The following ARRB1 variants were observed in gnomAD, a reference collection of about 807,000 sequenced individuals.
ARRB1 encodes beta-arrestin-1.
A neutral mutation model predicts 56.8 loss-of-function variants in ARRB1; 21 were observed. That is an observed-to-expected ratio of 0.37 (90% CI 0.26 to 0.53). The LOEUF (loss-of-function observed/expected upper bound fraction) is 0.53. Ranked by LOEUF, ARRB1 falls within the 20% of genes least tolerant of loss-of-function variation. The probability of loss-of-function intolerance (pLI) is 0.88; values close to 1 mark genes in which losing one functional copy is unlikely to be tolerated. For missense variants in ARRB1, 424 were observed against 553.7 expected (o/e 0.77, Z 2.35); for synonymous variants, 210 against 218.6 (o/e 0.96, Z 0.35).
At chr11:75,286,522 C>T (rs572114753) in intron 3 of ARRB1, among the ~76,000 whole-genome samples, 6 of 151,960 alleles carry the variant, frequency 3.9e-5, no homozygotes, top group African/African-American at 1.4e-4. Flanking sequence ...TGATCCACCT[C>T]CCAAAGTGCT....
In ARRB1 at chr11:75,312,800, G is replaced by C. The variant is rs375869896; in HGVS notation, c.21-22761C>G. Among the ~76,000 whole-genome samples, 27 of 152,330 alleles carry C rather than the reference G, an allele frequency of 1.8e-4. 2 individuals carry two copies. In the East Asian group the frequency reaches 4.8e-3, roughly 27 times the overall value. On this transcript the variant is annotated intron_variant, in intron 1 of 15. Transcript: ENST00000420843. ...CTGCTGGCTTCAAAGCTGGAGGATG[G>C]GGCTGGGAGCCAAGGCATGCAGACA...
At chr11:75,330,093 C>T (rs188107728) in intron 1 of ARRB1, among the ~76,000 whole-genome samples, 8 of 152,224 alleles carry the variant, frequency 5.3e-5, no homozygotes, top group Non-Finnish European at 1.2e-4. Flanking sequence ...AATGAACGAA[C>T]GAACAATCTG....
chr11:75,275,885 T>A (rs534070533), intron 10 of ARRB1, among the ~76,000 whole-genome samples: 7 of 152,320 alleles, frequency 4.6e-5, no homozygotes, highest in African/African-American at 1.7e-4. Flanking sequence ...TCTGCAGTGG[T>A]TGGGATTTTC....
At chr11:75,321,274 C>T (rs1236411022) in intron 1 of ARRB1, among the ~76,000 whole-genome samples, 1 of 147,308 alleles carries the variant, frequency 6.8e-6, no homozygotes, top group Non-Finnish European at 1.5e-5. Context: ...CACCCCCCCC[C>T]ACCACCATCC....
At chr11:75,304,663 C>T (rs1200460033) in intron 1 of ARRB1, among the ~76,000 whole-genome samples, 5 of 152,072 alleles carry the variant, frequency 3.3e-5, no homozygotes, top group East Asian at 3.9e-4. Flanking sequence ...AGAGGTGCTA[C>T]TAACATCTAG....
chr11:75,328,425 A>G (rs1290942507), intron 1 of ARRB1, among the ~76,000 whole-genome samples: 2 of 152,284 alleles, frequency 1.3e-5, no homozygotes, highest in East Asian at 3.9e-4. Flanking sequence ...TCCTCCCTAA[A>G]ACCCTGTGAA....
Position 75,298,931 on chromosome 11 carries a change from A to ATTATGTTAAGTAAATTAACATAATGTTC in ARRB1, c.21-8893_21-8892insGAACATTATGTTAATTTACTTAACATAA, listed in dbSNP as rs1946828905. On this transcript the variant is annotated intron_variant, in intron 1 of 15. Coordinates refer to ENST00000420843, the MANE Select transcript of ARRB1 (RefSeq NM_004041.5). Reference sequence around the variant, plus strand: ...ATGTTAAGTAAATTAACATAATGTTAATTATGTTAATTTAACATAATTAAC... The same window carrying ATTATGTTAAGTAAATTAACATAATGTTC: ...ATGTTAAGTAAATTAACATAATGTTATTATGTTAAGTAAATTAACATAATGTTCATTATGTTAATTTAACATAATTAAC... Among the ~76,000 whole-genome samples, 4 of 151,420 alleles carry ATTATGTTAAGTAAATTAACATAATGTTC rather than the reference A, an allele frequency of 2.6e-5. No homozygotes were observed. The South Asian group carries it at 8.8e-4, about 33-fold the overall frequency.
At chr11:75,333,134 C>A (rs1043717662) in intron 1 of ARRB1, among the ~76,000 whole-genome samples, 2 of 152,208 alleles carry the variant, frequency 1.3e-5, no homozygotes, top group African/African-American at 4.8e-5. Context: ...GAATAAATAT[C>A]TTCAAATATT....
At chr11:75,291,853 A>G (rs1946618726) in intron 1 of ARRB1, among the ~76,000 whole-genome samples, 1 of 152,230 alleles carries the variant, frequency 6.6e-6, no homozygotes, top group Non-Finnish European at 1.5e-5. Context: ...CCTGCCACCC[A>G]GTCCTCCCCC....
At chr11:75,301,435 T>C (rs1016732314) in intron 1 of ARRB1, among the ~76,000 whole-genome samples, 2 of 152,134 alleles carry the variant, frequency 1.3e-5, no homozygotes, top group African/African-American at 4.8e-5. Context: ...GTGAAGGGCC[T>C]TGAGTGCCGG....
At chr11:75,277,083 C>T (rs190821364) in intron 9 of ARRB1, among the ~76,000 whole-genome samples, 172 bp from the exon 10 acceptor site, 103 of 152,328 alleles carry the variant, frequency 6.8e-4, no homozygotes, top group African/African-American at 2.4e-3. Context: ...GCCCCAAACA[C>T]ACCCATTTCC....
At chr11:75,268,214 A>C in intron 14 of ARRB1, among the ~76,000 whole-genome samples, 1 of 152,070 alleles carries the variant, frequency 6.6e-6, no homozygotes, top group East Asian at 1.9e-4. Flanking sequence ...TCACTTGAAA[A>C]ACAGGCCAGG....
At chr11:75,267,732 C>T in intron 14 of ARRB1, 29 bp from the exon 15 acceptor site, 1 of 1,591,588 alleles carries the variant, frequency 6.3e-7, no homozygotes, top group Non-Finnish European at 8.6e-7. Context: ...GGCAGGGTGT[C>T]CAGGGATTAG....
intron 1 of ARRB1, among the ~76,000 whole-genome samples, chr11:75,339,102 G>C (rs566900716): frequency 5.0e-4 from 76 of 152,362 alleles, no homozygotes; most frequent in South Asian, 8.3e-4. Flanking sequence ...GTAGAGACCA[G>C]CGCACATGGC....
chr11:75,334,246 C>T (rs754455294), intron 1 of ARRB1, among the ~76,000 whole-genome samples: 3 of 133,346 alleles, frequency 2.2e-5, no homozygotes, highest in Non-Finnish European at 4.6e-5. Flanking sequence ...TGCTTGAACC[C>T]GGGCTGAGAT....
chr11:75,305,593 C>G (rs1947010205), intron 1 of ARRB1, among the ~76,000 whole-genome samples: 1 of 152,070 alleles, frequency 6.6e-6, no homozygotes, highest in Admixed American at 6.5e-5. Flanking sequence ...TTCTGGAGGG[C>G]CAGTTGTTAC....
In ARRB1 at chr11:75,337,786, C is replaced by CTTT. The variant is rs71036046; in HGVS notation, c.20+13799_20+13801dup. ...TGTTCAATGAATTTCATTGAAATGT[C>CTTT]TTTTTTTTTTTTTTTTTTTTTTTTT... On this transcript the variant is annotated intron_variant, in intron 1 of 15. Coordinates refer to ENST00000420843, the MANE Select transcript of ARRB1 (RefSeq NM_004041.5). 2.3e-3 allele frequency among the ~76,000 whole-genome samples: 87 copies of CTTT among 38,492 alleles called. 3 individuals are homozygous for CTTT. The highest frequency in any genetic ancestry group is 3.0e-3 in the Non-Finnish European group (69 of 23,132). The allele number at this position is 38,492 out of a possible 152,430, so 25.3% of individuals were successfully genotyped here.
chr11:75,307,354 C>T (rs1173217710), intron 1 of ARRB1, among the ~76,000 whole-genome samples: 7 of 152,154 alleles, frequency 4.6e-5, no homozygotes, highest in Non-Finnish European at 8.8e-5. Flanking sequence ...GGTCAGGGCT[C>T]CTCTCTCAAA....
At chr11:75,343,692 C>A (rs551871695) in intron 1 of ARRB1, among the ~76,000 whole-genome samples, 19 of 152,298 alleles carry the variant, frequency 1.2e-4, no homozygotes, top group Admixed American at 3.9e-4. Context: ...AAGAGCCTAA[C>A]CGCTATGCTA....
Sources: gnomAD v4.1 joint callset for allele counts (sites outside exome capture counted in the v4.1 genomes callset) on GRCh38, gnomAD v4.1.1 for gene constraint, MANE v1.5 for transcripts, NCBI Gene and HGNC (gene_info 2026-07-23, HGNC 2026-07-21) for gene names.